KCNG3: variants seen among roughly 807,000 people sequenced by gnomAD.
KCNG3 encodes the protein voltage-gated potassium channel regulatory subunit KCNG3.
KCNG3 carries 15 observed loss-of-function variants against 29.0 expected under a neutral mutation model. The ratio of observed to expected loss-of-function variants is 0.52; its 90% CI spans 0.35 to 0.80. KCNG3 has a LOEUF of 0.80. KCNG3 is among the 30% of genes least tolerant of loss of function. The probability of loss-of-function intolerance (pLI) is 0.01; values close to 1 mark genes in which losing one functional copy is unlikely to be tolerated. For missense variants in KCNG3, 512 were observed against 605.7 expected (o/e 0.85, Z 1.62); for synonymous variants, 322 against 248.9 (o/e 1.29, Z -2.76).
downstream of KCNG3, among the ~76,000 whole-genome samples, chr2:42,437,055 C>A (rs961303544): frequency 6.6e-6 from 1 of 152,114 alleles, no homozygotes; most frequent in Non-Finnish European, 1.5e-5. Flanking sequence ...ACATTTACAA[C>A]CCTTTTTTCC....
At chr2:42,401,491 G>T in the KCNG3 span, among the ~76,000 whole-genome samples, 19 of 151,832 alleles carry the variant, frequency 1.3e-4, no homozygotes, top group Middle Eastern at 6.8e-3. Context: ...TCCCAGGCTG[G>T]AGTGCAGCGG....
intron 1 of KCNG3, among the ~76,000 whole-genome samples, chr2:42,485,434 C>T (rs990338591): frequency 6.8e-6 from 1 of 148,102 alleles, no homozygotes; most frequent in South Asian, 2.2e-4. Flanking sequence ...TTCTCAAATG[C>T]TGCCAGCAAA....
intron 1 of KCNG3, among the ~76,000 whole-genome samples, chr2:42,449,111 T>A (rs1157292379): frequency 6.6e-6 from 1 of 152,196 alleles, no homozygotes; most frequent in African/African-American, 2.4e-5. Context: ...GGAACCAACA[T>A]CCTACATGTA....
At chr2:42,462,808 G>A (rs1673050327) in intron 1 of KCNG3, among the ~76,000 whole-genome samples, 1 of 152,212 alleles carries the variant, frequency 6.6e-6, no homozygotes, top group Non-Finnish European at 1.5e-5. Context: ...GGAAGTCACA[G>A]TTTCATTCAT....
chr2:42,391,763 C>T, the KCNG3 span, among the ~76,000 whole-genome samples: 2 of 150,510 alleles, frequency 1.3e-5, no homozygotes, highest in African/African-American at 2.4e-5. Flanking sequence ...CCACTACGCC[C>T]GGCTAATTTT....
chr2:42,424,446 A>AC, the KCNG3 span, among the ~76,000 whole-genome samples: 2 of 152,010 alleles, frequency 1.3e-5, no homozygotes, highest in Non-Finnish European at 2.9e-5. Context: ...TAAAAAAAAA[A>AC]AAAAAACCCA....
intron 1 of KCNG3, among the ~76,000 whole-genome samples, chr2:42,462,186 G>A (rs1673035915): frequency 6.6e-6 from 1 of 152,178 alleles, no homozygotes; most frequent in Non-Finnish European, 1.5e-5. Context: ...CCTCTCCCCA[G>A]CTTATAGCTG....
chr2:42,420,600 A>C, the KCNG3 span, among the ~76,000 whole-genome samples: 1 of 151,880 alleles, frequency 6.6e-6, no homozygotes, highest in Admixed American at 6.6e-5. Context: ...GACCAGCCTG[A>C]CCAACACGAT....
chr2:42,433,657 T>G, the KCNG3 span, among the ~76,000 whole-genome samples: 3 of 152,134 alleles, frequency 2.0e-5, no homozygotes, highest in East Asian at 5.8e-4. Flanking sequence ...GAGAATTGCT[T>G]GAACCCGAGA....
rs141914387 is a variant in KCNG3, at chr2:42,470,300, T to C, written c.665+22537A>G. ...ATGTACTCACGCAATAAAATAATTG[T>C]TTAAATTTTAAAAAAATGTACAGAT... On this transcript the variant is annotated intron_variant, in intron 1 of 1. Coordinates refer to ENST00000306078, the MANE Select transcript of KCNG3 (RefSeq NM_133329.6). 8.2e-5 allele frequency: 26 copies of C among 318,614 alleles called. No individual in the cohort carries two copies. The East Asian group carries it at 2.2e-3, about 27-fold the overall frequency. The allele number at this position is 318,614 out of a possible 1,614,324, so 19.7% of individuals were successfully genotyped here.
the KCNG3 span, chr2:42,413,611 A>G: frequency 3.3e-5 from 5 of 152,234 alleles, no homozygotes; most frequent in African/African-American, 1.2e-4. Context: ...ACACTGCTAT[A>G]AAGAACTACC....
intron 1 of KCNG3, among the ~76,000 whole-genome samples, chr2:42,459,485 C>T (rs976654697): frequency 1.3e-5 from 2 of 152,160 alleles, no homozygotes; most frequent in African/African-American, 4.8e-5. Context: ...TCACTTGTAG[C>T]CAGGATGATG....
chr2:42,388,915 G>T, the KCNG3 span, among the ~76,000 whole-genome samples: 1 of 151,714 alleles, frequency 6.6e-6, no homozygotes, highest in African/African-American at 2.4e-5. Flanking sequence ...CTTTGTTTTG[G>T]TTTTTGTTTG....
At chr2:42,460,462 T>C (rs1486619276) in intron 1 of KCNG3, among the ~76,000 whole-genome samples, 3 of 152,176 alleles carry the variant, frequency 2.0e-5, no homozygotes, top group Non-Finnish European at 4.4e-5. Context: ...GGGTAAGATA[T>C]ACCCTCCCTA....
chr2:42,443,867 A>T lies in KCNG3; in HGVS notation c.*67T>A. 6.9e-7 allele frequency: 1 copy of T among 1,450,896 alleles called. No homozygotes were observed. The highest frequency in any genetic ancestry group is 1.4e-5 in the African/African-American group (1 of 70,710). The allele number at this position is 1,450,896 out of a possible 1,614,324, so 89.9% of individuals were successfully genotyped here. On this transcript the variant is annotated 3_prime_UTR_variant, in exon 2 of 2. Transcript: ENST00000306078. ...CACTGCAGTGCTCACCCAGCAAGAA[A>T]CACATAAATATGAAGCAGCATCAAA...
At chr2:42,474,918 C>T (rs571683365) in intron 1 of KCNG3, among the ~76,000 whole-genome samples, 4 of 152,150 alleles carry the variant, frequency 2.6e-5, no homozygotes, top group Non-Finnish European at 5.9e-5. Context: ...TGGCAGCTGA[C>T]CCAATGTACA....
chr2:42,447,921 T>C lies in KCNG3; in HGVS notation c.666-3342A>G, dbSNP rs553553240. Among the ~76,000 whole-genome samples, 4 of 152,286 alleles carry C rather than the reference T, an allele frequency of 2.6e-5. No individual in the cohort carries two copies. The East Asian group carries it at 7.7e-4, about 29-fold the overall frequency. The stretch of plus-strand genomic sequence containing the variant: ...CTTGGAATTACTGGATCAGAGAAGA[T>C]ACATATGTATTTGTAATTTTGATAG... On this transcript the variant is annotated intron_variant, in intron 1 of 1. Transcript: ENST00000306078.
intron 1 of KCNG3, among the ~76,000 whole-genome samples, chr2:42,457,366 C>T (rs1298816364): frequency 6.6e-6 from 1 of 150,684 alleles, no homozygotes. Flanking sequence ...TGGGGGCACG[C>T]GCCTGTACTC....
intron 1 of KCNG3, among the ~76,000 whole-genome samples, chr2:42,466,232 C>G (rs1328941092): frequency 6.6e-6 from 1 of 152,060 alleles, no homozygotes; most frequent in Non-Finnish European, 1.5e-5. Flanking sequence ...ATGGTGAAAC[C>G]CTGTCTCTAA....
Sources: gnomAD v4.1 joint callset for allele counts (sites outside exome capture counted in the v4.1 genomes callset) on GRCh38, gnomAD v4.1.1 for gene constraint, MANE v1.5 for transcripts, NCBI Gene and HGNC (gene_info 2026-07-23, HGNC 2026-07-21) for gene names.